The following RGS6 variants were observed in gnomAD, a reference collection of about 807,000 sequenced individuals.
RGS6 encodes regulator of G protein signaling 6.
A neutral mutation model predicts 78.5 loss-of-function variants in RGS6; 30 were observed. That is an observed-to-expected ratio of 0.38 (90% confidence interval 0.29 to 0.52). The LOEUF (loss-of-function observed/expected upper bound fraction) is 0.52. Ranked by LOEUF, RGS6 falls within the 20% of genes least tolerant of loss-of-function variation. RGS6 has a pLI of 0.85. For synonymous variants in RGS6, 206 were observed against 206.0 expected (o/e 1.00, Z 0.00); for missense variants, 495 against 609.7 (o/e 0.81, Z 1.98).
chr14:72,308,603 T>G (rs1316171414), intron 2 of RGS6, among the ~76,000 whole-genome samples: 2 of 152,212 alleles, frequency 1.3e-5, no homozygotes, highest in African/African-American at 4.8e-5. Context: ...AATTATAAAT[T>G]AGTTAGTATG....
chr14:72,299,641 T>G (rs968088559), intron 2 of RGS6, among the ~76,000 whole-genome samples: 1 of 152,190 alleles, frequency 6.6e-6, no homozygotes, highest in Non-Finnish European at 1.5e-5. Context: ...TGCTAACACT[T>G]GGTGTCATCT....
intron 13 of RGS6, among the ~76,000 whole-genome samples, chr14:72,507,053 C>T (rs1228278055): frequency 6.9e-6 from 1 of 145,602 alleles, no homozygotes; most frequent in Non-Finnish European, 1.5e-5. Context: ...CCTGTAGTCC[C>T]AGCTACTCAG....
At chr14:71,893,092 G>A in the RGS6 span, among the ~76,000 whole-genome samples, 1 of 152,220 alleles carries the variant, frequency 6.6e-6, no homozygotes, top group Non-Finnish European at 1.5e-5. Flanking sequence ...TTTAGAGGCA[G>A]TTAGTTAATA....
At chr14:72,030,244 C>T (rs1468553497) in intron 2 of RGS6, among the ~76,000 whole-genome samples, 1 of 152,056 alleles carries the variant, frequency 6.6e-6, no homozygotes, top group East Asian at 1.9e-4. Context: ...GATAAAAGCA[C>T]TGCACACAGT....
rs181559963 is a variant in RGS6, at chr14:72,116,119, C to G, written c.84+151244C>G. ...TACAGTCCTGTGTGATGTAGAGATA[C>G]CTAAACATAAATGGGCATGGATATT... On this transcript the variant is annotated intron_variant, in intron 2 of 17. Coordinates refer to ENST00000553525, the MANE Select transcript of RGS6 (RefSeq NM_001204424.2). Among the ~76,000 whole-genome samples the G allele has an allele frequency of 1.8e-4, 27 of 152,224 alleles. No individual in the cohort carries two copies. The East Asian group carries it at 4.8e-3, about 27-fold the overall frequency.
At chr14:72,311,541 C>T (rs1231888162) in intron 2 of RGS6, among the ~76,000 whole-genome samples, 1 of 151,916 alleles carries the variant, frequency 6.6e-6, no homozygotes, top group Non-Finnish European at 1.5e-5. Context: ...CCATTTTACT[C>T]AGTCAAATGA....
chr14:72,482,712 G>T (rs2096405931), intron 12 of RGS6, among the ~76,000 whole-genome samples: 1 of 152,168 alleles, frequency 6.6e-6, no homozygotes, highest in African/African-American at 2.4e-5. Context: ...GGGATAGTGG[G>T]ATTCCAAGAG....
intron 2 of RGS6, among the ~76,000 whole-genome samples, chr14:72,302,301 A>G (rs1356857797): frequency 6.6e-6 from 1 of 152,226 alleles, no homozygotes; most frequent in Non-Finnish European, 1.5e-5. Context: ...GCCCATAGCC[A>G]ATTAAGTGGC....
At chr14:71,991,257 T>C (rs1378237621) in intron 2 of RGS6, among the ~76,000 whole-genome samples, 1 of 152,196 alleles carries the variant, frequency 6.6e-6, no homozygotes, top group Non-Finnish European at 1.5e-5. Flanking sequence ...CAGTTATTTA[T>C]CTCAGAACTA....
At chr14:71,909,725 G>A in the RGS6 span, among the ~76,000 whole-genome samples, 2 of 152,078 alleles carry the variant, frequency 1.3e-5, no homozygotes, top group Non-Finnish European at 2.9e-5. Flanking sequence ...GCTGCACTCC[G>A]AAAGCTCACT....
chr14:72,398,515 T>C (rs141066733), intron 3 of RGS6, among the ~76,000 whole-genome samples: 33,302 of 152,104 alleles, frequency 0.22, 4,140 homozygotes, highest in South Asian at 0.39. Flanking sequence ...CCTGGATTCA[T>C]TGATTTTTTG....
At chr14:71,905,469 C>T in the RGS6 span, among the ~76,000 whole-genome samples, 1 of 152,006 alleles carries the variant, frequency 6.6e-6, no homozygotes, top group Non-Finnish European at 1.5e-5. Flanking sequence ...GATATTTAAA[C>T]ATTTTCCTTC....
chr14:71,993,976 T>C (rs752342189), intron 2 of RGS6, among the ~76,000 whole-genome samples: 1 of 151,396 alleles, frequency 6.6e-6, no homozygotes, highest in Admixed American at 6.6e-5. Flanking sequence ...CCATTTTTAT[T>C]GGCCACCAAA....
chr14:72,525,980 C>A (rs1007787127), intron 15 of RGS6, among the ~76,000 whole-genome samples: 2 of 152,214 alleles, frequency 1.3e-5, no homozygotes, highest in Admixed American at 6.5e-5. Flanking sequence ...CTAGTAGTTC[C>A]TGACAGCTAC....
chr14:72,517,490 CG>C (rs11316322), intron 14 of RGS6, among the ~76,000 whole-genome samples: 82,246 of 151,994 alleles, frequency 0.54, 23,884 homozygotes, highest in East Asian at 0.88. Context: ...TGCTCCCATG[CG>C]GATGCTGAGG....
chr14:72,195,269 G>C lies in RGS6; in HGVS notation c.85-156826G>C, dbSNP rs185876766. Among the ~76,000 whole-genome samples, 88 of 152,084 alleles carry C rather than the reference G, an allele frequency of 5.8e-4. 1 individual carries two copies. In the East Asian group the frequency reaches 0.015, roughly 27 times the overall value. ...AGGAGCAGGCTGGAGGTTAGGGTGG[G>C]GTAAACAAGCTGTTGTCATACTTGA... is the stretch of plus-strand genomic sequence containing the variant. On this transcript the variant is annotated intron_variant, in intron 2 of 17. Coordinates refer to ENST00000553525, the MANE Select transcript of RGS6 (RefSeq NM_001204424.2).
rs1355022417 is a variant in RGS6, at chr14:72,374,785, A to G, written c.184+22591A>G. Among the ~76,000 whole-genome samples the G allele has an allele frequency of 3.3e-5, 5 of 152,234 alleles. No individual in the cohort carries two copies. The South Asian group carries it at 1.0e-3, about 31-fold the overall frequency. On this transcript the variant is annotated intron_variant, in intron 3 of 17. Transcript: ENST00000553525. ...AATTATTAGATCATACGAAATTGCC[A>G]TTTTTATAGGTCAAAGCTGGTAACT...
intron 2 of RGS6, among the ~76,000 whole-genome samples, chr14:72,236,774 A>G (rs997330490): frequency 6.6e-6 from 1 of 151,172 alleles, no homozygotes. Flanking sequence ...AGAGAGAGGC[A>G]CTCCTCACTT....
At chr14:71,998,915 A>G (rs567801076) in intron 2 of RGS6, among the ~76,000 whole-genome samples, 1 of 152,192 alleles carries the variant, frequency 6.6e-6, no homozygotes. Flanking sequence ...GAGTGAGCAT[A>G]TTGTGTTCCA....
Sources: allele counts gnomAD v4.1 joint callset (sites outside exome capture counted in the v4.1 genomes callset), GRCh38; gene constraint gnomAD v4.1.1; transcripts MANE v1.5; gene names NCBI Gene and HGNC (gene_info 2026-07-23, HGNC 2026-07-21).